Variants in CEP128 observed in about 807,000 individuals in gnomAD.
The protein encoded by CEP128 is centrosomal protein 128kDa.
Under a neutral mutation model 156.7 loss-of-function variants are expected in CEP128, and 132 were observed. That is an observed-to-expected ratio of 0.84 (90% CI 0.73 to 0.97). CEP128 has a LOEUF of 0.97. CEP128 is among the 50% of genes least tolerant of loss of function. The probability of loss-of-function intolerance (pLI) is 0.00; values close to 1 mark genes in which losing one functional copy is unlikely to be tolerated. For missense variants in CEP128, 1,252 were observed against 1,281.9 expected (o/e 0.98, Z 0.36); for synonymous variants, 469 against 448.9 (o/e 1.04, Z -0.57).
chr14:80,933,991 A>T (rs1885639388), intron 2 of CEP128, among the ~76,000 whole-genome samples: 1 of 152,226 alleles, frequency 6.6e-6, no homozygotes, highest in Admixed American at 6.5e-5. Context: ...GATATACAAG[A>T]AATAAGATGG....
At chr14:80,561,964 G>C (rs1890700066) in intron 20 of CEP128, among the ~76,000 whole-genome samples, 1 of 149,072 alleles carries the variant, frequency 6.7e-6, no homozygotes, top group Admixed American at 6.7e-5. Flanking sequence ...GTCTCACTCT[G>C]TCGCCCAGGC....
chr14:80,519,052 T>C (rs1410716714), intron 23 of CEP128, among the ~76,000 whole-genome samples: 2 of 152,210 alleles, frequency 1.3e-5, no homozygotes, highest in Non-Finnish European at 2.9e-5. Context: ...AAAGCTTAAG[T>C]ATTAAAAAGG....
At chr14:80,513,473 T>C (rs1044501613) in intron 23 of CEP128, among the ~76,000 whole-genome samples, 3 of 152,236 alleles carry the variant, frequency 2.0e-5, no homozygotes, top group African/African-American at 7.2e-5. Flanking sequence ...CTTGGTGTTC[T>C]ATAACCTTCC....
At chr14:80,910,076 T>C (rs1447237280) in intron 4 of CEP128, among the ~76,000 whole-genome samples, 1 of 152,090 alleles carries the variant, frequency 6.6e-6, no homozygotes, top group Non-Finnish European at 1.5e-5. Flanking sequence ...GATCCTATTT[T>C]CCCCCACTTT....
At chr14:80,856,676 T>C (rs533724415) in intron 9 of CEP128, among the ~76,000 whole-genome samples, 30 of 148,694 alleles carry the variant, frequency 2.0e-4, no homozygotes, top group African/African-American at 6.7e-4. Flanking sequence ...TGTGTGTGTG[T>C]GCGTGTGTGT....
intron 9 of CEP128, among the ~76,000 whole-genome samples, chr14:80,859,729 A>G (rs1887421606): frequency 6.6e-6 from 1 of 152,082 alleles, no homozygotes; most frequent in African/African-American, 2.4e-5. Context: ...CCCTACAGAA[A>G]AGGAAAATGG....
At chr14:80,903,072 A>T (rs557650504) in intron 6 of CEP128, among the ~76,000 whole-genome samples, 4 of 152,278 alleles carry the variant, frequency 2.6e-5, no homozygotes, top group African/African-American at 9.6e-5. Context: ...AGCTAAAAAG[A>T]ACAAAGCTGG....
intron 24 of CEP128, among the ~76,000 whole-genome samples, chr14:80,503,752 C>T (rs1340383766): frequency 1.3e-5 from 2 of 152,132 alleles, no homozygotes; most frequent in African/African-American, 4.8e-5. Flanking sequence ...CCATAACCAA[C>T]TTGAGGTCCA....
intron 13 of CEP128, among the ~76,000 whole-genome samples, chr14:80,824,129 T>C (rs892922121): frequency 6.6e-6 from 1 of 152,198 alleles, no homozygotes; most frequent in Non-Finnish European, 1.5e-5. Context: ...GAGCTCTACA[T>C]TGGCCCCTTT....
Position 80,955,926 on chromosome 14 carries a change from G to A in CEP128, c.-172+2252C>T. The A allele has an allele frequency of 4.4e-6, 7 of 1,586,366 alleles. No homozygotes were observed. The South Asian group carries it at 6.6e-5, about 15-fold the overall frequency. ...CAGAGGTGGCCCGAAGTGCACAAAA[G>A]CAGCTCAATAACAGCCCGAAGTAGT... On this transcript the variant is annotated intron_variant, in intron 2 of 7. Transcript: ENST00000555529.
At chr14:80,674,940 T>C (rs1308306726) in intron 19 of CEP128, among the ~76,000 whole-genome samples, 1 of 151,836 alleles carries the variant, frequency 6.6e-6, no homozygotes, top group Non-Finnish European at 1.5e-5. Flanking sequence ...GGGATCCTAC[T>C]CTCTATAGCA....
At chr14:80,781,152 T>C (rs1183120119) in intron 15 of CEP128, among the ~76,000 whole-genome samples, 2 of 152,126 alleles carry the variant, frequency 1.3e-5, no homozygotes, top group African/African-American at 4.8e-5. Context: ...ATGAGGAATG[T>C]TGGAGAGCAT....
At chr14:80,596,410 A>C (rs1892321689) in intron 19 of CEP128, among the ~76,000 whole-genome samples, 2 of 152,232 alleles carry the variant, frequency 1.3e-5, no homozygotes, top group South Asian at 4.1e-4. Flanking sequence ...AGAAGCATAA[A>C]TATAACAAAA....
intron 16 of CEP128, among the ~76,000 whole-genome samples, chr14:80,762,065 C>T (rs1899998217): frequency 6.6e-6 from 1 of 152,044 alleles, no homozygotes; most frequent in Non-Finnish European, 1.5e-5. Flanking sequence ...CCACCTTTAT[C>T]TCACCAAAAC....
At chr14:80,547,274 T>C (rs1444149716) in intron 21 of CEP128, among the ~76,000 whole-genome samples, 1 of 152,214 alleles carries the variant, frequency 6.6e-6, no homozygotes, top group Non-Finnish European at 1.5e-5. Flanking sequence ...AAAATGTCCA[T>C]ACCCTATTTC....
chr14:80,806,976 T>C (rs1202390307), intron 13 of CEP128, among the ~76,000 whole-genome samples: 2 of 152,168 alleles, frequency 1.3e-5, no homozygotes, highest in South Asian at 2.1e-4. Context: ...AAGAAAGCAA[T>C]TTTTCTATTT....
chr14:80,876,460 G>A (rs1011343027), intron 8 of CEP128, among the ~76,000 whole-genome samples: 2 of 152,068 alleles, frequency 1.3e-5, no homozygotes, highest in Non-Finnish European at 2.9e-5. Flanking sequence ...AGCTGGACAT[G>A]GTGGCACACG....
At chr14:80,756,853 T>C (rs1899687432) in intron 18 of CEP128, 39 bp downstream of exon 18, 2 of 1,351,628 alleles carry the variant, frequency 1.5e-6, no homozygotes, top group Non-Finnish European at 2.1e-6. Context: ...TTAAAGATCA[T>C]AAATATTACA....
chr14:80,612,813 G>C (rs1385089107), intron 19 of CEP128, among the ~76,000 whole-genome samples: 1 of 151,908 alleles, frequency 6.6e-6, no homozygotes, highest in Non-Finnish European at 1.5e-5. Context: ...AATCCATAAA[G>C]ATCTCAGAAA....
Sources: allele counts gnomAD v4.1 joint callset (sites outside exome capture counted in the v4.1 genomes callset), GRCh38; gene constraint gnomAD v4.1.1; transcripts MANE v1.5; gene names NCBI Gene and HGNC (gene_info 2026-07-23, HGNC 2026-07-21).